TCF7L2: variants seen among roughly 807,000 people sequenced by gnomAD.
The protein encoded by TCF7L2 is transcription factor 7-like 2.
In TCF7L2, 23 loss-of-function variants were observed where a neutral mutation model predicts 77.9. The observed-to-expected ratio is 0.30, with a 90% CI of 0.21 to 0.42. The LOEUF (loss-of-function observed/expected upper bound fraction) is 0.42. Among genes scored for constraint, TCF7L2 ranks in the 10% least tolerant of loss-of-function variants. The pLI is 1.00. For missense variants in TCF7L2, 654 were observed against 793.1 expected (o/e 0.82, Z 2.11); for synonymous variants, 413 against 340.2 (o/e 1.21, Z -2.36).
intron 5 of TCF7L2, among the ~76,000 whole-genome samples, chr10:113,139,896 T>C (rs1435404322): frequency 2.0e-5 from 3 of 151,912 alleles, no homozygotes; most frequent in African/African-American, 7.3e-5. Flanking sequence ...CAGGCACTAG[T>C]GGGCAGCACT....
intron 12 of TCF7L2, 72 bp from the exon 13 acceptor site, chr10:113,158,595 G>T: frequency 6.6e-7 from 1 of 1,507,310 alleles, no homozygotes. Context: ...GTCCCTTGGA[G>T]AAGGCCAGGC....
intron 4 of TCF7L2, among the ~76,000 whole-genome samples, chr10:113,035,884 T>G (rs944472048): frequency 2.6e-5 from 4 of 152,198 alleles, no homozygotes; most frequent in Admixed American, 2.6e-4. Flanking sequence ...CGAGTAGTTA[T>G]GACAGAGATT....
At chr10:113,098,622 C>G (rs1178033084) in intron 5 of TCF7L2, among the ~76,000 whole-genome samples, 5 of 152,106 alleles carry the variant, frequency 3.3e-5, no homozygotes, top group Non-Finnish European at 7.4e-5. Flanking sequence ...AGGAGAATCG[C>G]TTGAACCTGG....
intron 4 of TCF7L2, among the ~76,000 whole-genome samples, chr10:112,989,610 T>C (rs1418016659): frequency 6.6e-6 from 1 of 152,220 alleles, no homozygotes; most frequent in Non-Finnish European, 1.5e-5. Context: ...CTTGAGTGTC[T>C]GCACAAGCCT....
intron 5 of TCF7L2, among the ~76,000 whole-genome samples, chr10:113,124,052 A>G (rs1272114017): frequency 6.6e-6 from 1 of 152,190 alleles, no homozygotes; most frequent in Non-Finnish European, 1.5e-5. Context: ...CGGGATAGGC[A>G]TAAACATTAT....
chr10:112,990,715 T>C (rs563919924), intron 4 of TCF7L2, among the ~76,000 whole-genome samples: 16 of 151,936 alleles, frequency 1.1e-4, no homozygotes, highest in African/African-American at 2.9e-4. Flanking sequence ...CAATAATAAA[T>C]AAATAAATAA....
In TCF7L2 at chr10:113,165,699, G is replaced by A. The variant is rs746604692; in HGVS notation, c.1536G>A (p.Glu512=). The change falls in exon 14 of 14, where the codon GAG becomes GAA. Residue 512 remains glutamate (E), a synonymous_variant. Transcript: ENST00000627217. Reference sequence around the variant, plus strand: ...CCCGAGACGCCAAGTCACAGACTGAGCAGACCCAGCCTCTGTCGCTGTCCC... The same window carrying A: ...CCCGAGACGCCAAGTCACAGACTGAACAGACCCAGCCTCTGTCGCTGTCCC... The A allele has an allele frequency of 3.7e-6, 6 of 1,610,876 alleles. No homozygotes were observed. In the Admixed American group the frequency reaches 1.0e-4, roughly 27 times the overall value.
intron 4 of TCF7L2, among the ~76,000 whole-genome samples, chr10:112,997,477 G>A (rs567566203): frequency 6.6e-6 from 1 of 152,340 alleles, no homozygotes; most frequent in Admixed American, 6.5e-5. Flanking sequence ...TGAAACAATG[G>A]TAGTGCCATC....
At chr10:112,983,089 G>A (rs1377138630) in intron 4 of TCF7L2, among the ~76,000 whole-genome samples, 2 of 151,966 alleles carry the variant, frequency 1.3e-5, no homozygotes, top group East Asian at 1.9e-4. Context: ...GGAATTTGTG[G>A]CCTTTTGGTT....
At chr10:112,963,957 G>T (rs2035913956) in intron 3 of TCF7L2, among the ~76,000 whole-genome samples, 1 of 152,190 alleles carries the variant, frequency 6.6e-6, no homozygotes, top group South Asian at 2.1e-4. Flanking sequence ...AGGCGACAGA[G>T]ATGGCCTGGG....
At chr10:112,958,940 C>T (rs1242178393) in intron 3 of TCF7L2, among the ~76,000 whole-genome samples, 1 of 152,132 alleles carries the variant, frequency 6.6e-6, no homozygotes, top group African/African-American at 2.4e-5. Context: ...AGTGTAGCAA[C>T]TTTTAATGAA....
intron 11 of TCF7L2, 22 bp downstream of exon 11, chr10:113,152,462 G>A (rs2137182285): frequency 6.3e-7 from 1 of 1,588,102 alleles, no homozygotes; most frequent in Non-Finnish European, 8.6e-7. Context: ...ATTTTCGTTA[G>A]GATTGGAGTC....
At chr10:113,001,042 G>T (rs2044376902) in intron 4 of TCF7L2, among the ~76,000 whole-genome samples, 1 of 152,250 alleles carries the variant, frequency 6.6e-6, no homozygotes, top group Non-Finnish European at 1.5e-5. Context: ...GAGTGCTCCG[G>T]AGGGCAGGCC....
chr10:113,113,685 T>G (rs2063406646), intron 5 of TCF7L2, among the ~76,000 whole-genome samples: 1 of 152,190 alleles, frequency 6.6e-6, no homozygotes, highest in Admixed American at 6.5e-5. Flanking sequence ...TTTAAAGAAA[T>G]TAAATTAGTT....
intron 4 of TCF7L2, among the ~76,000 whole-genome samples, chr10:113,025,908 T>C (rs1255721970): frequency 1.4e-4 from 21 of 151,816 alleles, no homozygotes; most frequent in Non-Finnish European, 1.5e-5. Context: ...GATAGAGTCT[T>C]GCTCTGTTAC....
At chr10:112,952,707 C>T (rs923164023) in intron 3 of TCF7L2, among the ~76,000 whole-genome samples, 1 of 151,976 alleles carries the variant, frequency 6.6e-6, no homozygotes, top group Non-Finnish European at 1.5e-5. Flanking sequence ...CGCCGATCGC[C>T]GGCCACCCAA....
At chr10:113,111,882 G>C (rs2063174511) in intron 5 of TCF7L2, among the ~76,000 whole-genome samples, 1 of 152,088 alleles carries the variant, frequency 6.6e-6, no homozygotes, top group Non-Finnish European at 1.5e-5. Flanking sequence ...TTGTTTTTCT[G>C]TCTGTAAAAT....
chr10:113,157,828 C>G (rs1270325914), intron 11 of TCF7L2, 193 bp from the exon 12 acceptor site: 1 of 561,774 alleles, frequency 1.8e-6, no homozygotes. Flanking sequence ...AAGCGTGTGT[C>G]CCTCCAGCTG....
intron 4 of TCF7L2, among the ~76,000 whole-genome samples, chr10:113,014,747 C>T (rs1398351615): frequency 6.6e-6 from 1 of 152,132 alleles, no homozygotes; most frequent in African/African-American, 2.4e-5. Flanking sequence ...GATTGTGCCA[C>T]TGCCCTCCAG....
Sources: gnomAD v4.1 joint callset for allele counts (sites outside exome capture counted in the v4.1 genomes callset) on GRCh38, gnomAD v4.1.1 for gene constraint, MANE v1.5 for transcripts, NCBI Gene and HGNC (gene_info 2026-07-23, HGNC 2026-07-21) for gene names.